Variants in ESPNL observed in about 807,000 individuals in gnomAD.
ESPNL encodes espin-like protein.
In ESPNL, 49 loss-of-function variants were observed where a neutral mutation model predicts 46.8. That is an observed-to-expected ratio of 1.05 (90% confidence interval 0.83 to 1.33). The LOEUF is 1.33. Among genes scored for constraint, ESPNL ranks in the 40% most tolerant of loss-of-function variants. The pLI is 0.00. For synonymous variants in ESPNL, 664 were observed against 662.1 expected (o/e 1.00, Z -0.04); for missense variants, 1,540 against 1,436.6 (o/e 1.07, Z -1.16).
intron 8 of ESPNL, chr2:238,129,257 T>C: frequency 8.5e-7 from 1 of 1,172,858 alleles, no homozygotes; most frequent in Non-Finnish European, 1.1e-6. Context: ...TGGGGTGCGA[T>C]TCCCACTGCT....
At chr2:238,117,209 AGCCAGTGCTAGGGCCAG>A (rs2106470530) in intron 5 of ESPNL, among the ~76,000 whole-genome samples, 175 bp downstream of exon 5, 1 of 152,344 alleles carries the variant, frequency 6.6e-6, no homozygotes, top group Admixed American at 6.5e-5. Flanking sequence ...GCCACAGGGC[AGCCAGTGCTAGGGCCAG>A]GCTGTAACAG....
At chr2:238,108,344 C>T (rs1027090861) in intron 4 of ESPNL, among the ~76,000 whole-genome samples, 1 of 152,148 alleles carries the variant, frequency 6.6e-6, no homozygotes, top group Non-Finnish European at 1.5e-5. Context: ...TTGCTATTAC[C>T]CAGATAAATC....
In ESPNL at chr2:238,107,890, C is replaced by T; in HGVS notation, c.772C>T (p.Leu258Phe). Residue 258 changes from leucine to phenylalanine, a missense_variant, in exon 4 of 9, where the codon CTC becomes TTC. Leu to Phe is a conservative substitution (Grantham distance 22). Coordinates refer to ENST00000343063, the MANE Select transcript of ESPNL (RefSeq NM_194312.4). ...RGGHTPILDR[L>F]LLMGTPILRD... ...CGGCCACACGCCCATTCTAGACCGA[C>T]TCCTGCTCATGGGTACCCCCATCCT... 1 of 1,612,518 alleles carries T rather than the reference C, an allele frequency of 6.2e-7. No individual in the cohort carries two copies. Among genetic ancestry groups the T allele is most frequent in the Non-Finnish European group, 8.5e-7 (1 of 1,179,744 alleles).
intron 2 of ESPNL, among the ~76,000 whole-genome samples, chr2:238,103,854 C>A (rs548913106): frequency 6.6e-6 from 1 of 152,298 alleles, no homozygotes; most frequent in East Asian, 1.9e-4. Context: ...CCTGTGTCCC[C>A]CTTGCTAGGA....
chr2:238,131,979 C>A lies in ESPNL; in HGVS notation c.*247C>A. 2 of 447,584 alleles carry A rather than the reference C, an allele frequency of 4.5e-6. No homozygotes were observed. Among genetic ancestry groups the A allele is most frequent in the Non-Finnish European group, 3.9e-6 (1 of 253,540 alleles). The allele number at this position is 447,584 out of a possible 1,614,324, so 27.7% of individuals were successfully genotyped here. A position where few individuals can be genotyped will look rare whatever the true frequency, so the allele number is the denominator to read the frequency against. ...GGTCCTGAAGTGAGGCAATGGGCCA[C>A]CCCAGTCCAGGGCACCTCTGCCCAG... On this transcript the variant is annotated 3_prime_UTR_variant, in exon 9 of 9. Transcript: ENST00000343063.
chr2:238,120,619 C>T (rs535563989), intron 5 of ESPNL, among the ~76,000 whole-genome samples: 1 of 152,376 alleles, frequency 6.6e-6, no homozygotes, highest in South Asian at 2.1e-4. Flanking sequence ...AACCCCGGGG[C>T]CTTCCCGGCT....
At chr2:238,118,712 A>C (rs1691890490) in intron 5 of ESPNL, among the ~76,000 whole-genome samples, 1 of 113,774 alleles carries the variant, frequency 8.8e-6, no homozygotes, top group Non-Finnish European at 1.7e-5. Context: ...GGAGGAATGG[A>C]TGGAGGAGGA....
rs1692081467 is a variant in ESPNL at position 238,125,354 on chromosome 2, AGAG to A, written c.1077_1079del (p.Gly360del). 6.4e-7 allele frequency: 1 copy of A among 1,571,532 alleles called. No individual in the cohort carries two copies. The highest frequency in any genetic ancestry group is 8.6e-7 in the Non-Finnish European group (1 of 1,158,954). On this transcript the variant is annotated inframe_deletion, in exon 6 of 9. Transcript: ENST00000343063. ...GAGGCGCTCCCTGGAGGATGGAAGAAGAGGAGGCCCAGGGCCAGGGAACCCCAG... is the reference window on the plus strand; with the variant it reads ...GAGGCGCTCCCTGGAGGATGGAAGAAGAGGCCCAGGGCCAGGGAACCCCAG...
chr2:238,112,996 G>C (rs1316662474), intron 4 of ESPNL, among the ~76,000 whole-genome samples: 2 of 152,320 alleles, frequency 1.3e-5, no homozygotes, highest in South Asian at 4.1e-4. Flanking sequence ...GTGTTCTTCA[G>C]ATCTCCATAG....
chr2:238,118,395 TGGAAGAGGGTGGAC>T (rs149502876), intron 5 of ESPNL, among the ~76,000 whole-genome samples: 15,366 of 71,266 alleles, frequency 0.22, 2,894 homozygotes, highest in African/African-American at 0.51. Flanking sequence ...GAAGGGTGGA[TGGAAGAGGGTGGAC>T]GGAGGAGGGT....
chr2:238,125,108 G>A (rs1027071341), intron 5 of ESPNL, among the ~76,000 whole-genome samples, 162 bp from the exon 6 acceptor site: 2 of 152,180 alleles, frequency 1.3e-5, no homozygotes, highest in Admixed American at 6.5e-5. Context: ...ACAGAACCCT[G>A]ATCAAGGACC....
intron 5 of ESPNL, among the ~76,000 whole-genome samples, chr2:238,122,815 G>A (rs559584637): frequency 2.0e-5 from 3 of 152,250 alleles, no homozygotes; most frequent in Non-Finnish European, 4.4e-5. Context: ...TGGCCTTGCT[G>A]TTGAGGGGCC....
Position 238,100,652 on chromosome 2 carries a change from C to T in ESPNL, c.233C>T (p.Ala78Val). 1 of 1,447,648 alleles carries T rather than the reference C, an allele frequency of 6.9e-7. No individual in the cohort carries two copies. The allele number at this position is 1,447,648 out of a possible 1,614,324, so 89.7% of individuals were successfully genotyped here. ...HNGATPAHDA[A>V]ATGSLAELCW... ...GGGGCCACCCCAGCGCATGACGCCG[C>T]TGCCACGGGCAGCCTGGCCGAGCTG... is the stretch of plus-strand genomic sequence containing the variant. The change falls in exon 1 of 9, where the codon GCT becomes GTT. Residue 78 changes from alanine to valine, a missense_variant. By Grantham distance (64) the Ala-to-Val change is moderately conservative (BLOSUM62 0). Transcript: ENST00000343063.
intron 5 of ESPNL, among the ~76,000 whole-genome samples, chr2:238,119,346 A>AG (rs1691922365): frequency 1.8e-5 from 2 of 110,182 alleles, no homozygotes; most frequent in Non-Finnish European, 3.8e-5. Context: ...GAGGAGGGTG[A>AG]ATGGAGGAGG....
chr2:238,114,765 A>C lies in ESPNL; in HGVS notation c.856-2138A>C, dbSNP rs1691779842. 6.6e-6 allele frequency among the ~76,000 whole-genome samples: 1 copy of C among 152,248 alleles called. No homozygotes were observed. The highest frequency in any genetic ancestry group is 1.5e-5 in the Non-Finnish European group (1 of 68,046). On this transcript the variant is annotated intron_variant, in intron 4 of 8. Coordinates refer to ENST00000343063, the MANE Select transcript of ESPNL (RefSeq NM_194312.4). This position sits in a 1 kb window ranked among gnomAD's most constrained non-coding sequence, Gnocchi z 5.0. Reference sequence around the variant, plus strand: ...AAAGGAAAAAGAATCACATCTCATGACACATGAAACTCATCTGAAGTTAAA... The same window carrying C: ...AAAGGAAAAAGAATCACATCTCATGCCACATGAAACTCATCTGAAGTTAAA...
intron 5 of ESPNL, among the ~76,000 whole-genome samples, chr2:238,117,661 G>A (rs953264897): frequency 1.4e-4 from 21 of 152,348 alleles, no homozygotes; most frequent in African/African-American, 5.1e-4. Context: ...GTAAGGACAC[G>A]GATCTTGTCT....
chr2:238,117,153 T>TA, intron 5 of ESPNL, 119 bp downstream of exon 5: 1 of 1,324,442 alleles, frequency 7.6e-7, no homozygotes, highest in South Asian at 1.5e-5. Flanking sequence ...GTCCAACTCA[T>TA]ACATGGCATT....
Position 238,130,351 on chromosome 2 carries a change from T to C in ESPNL, c.1637T>C (p.Val546Ala). ...CAGGCCCTGCTGCCCGAGCCCCTGG[T>C]CAGCATCACGGTCAACAGCCACTTC... is the stretch of plus-strand genomic sequence containing the variant. Reference protein sequence around the residue: ...ELQALLPEPLVSITVNSHFLP... With the variant: ...ELQALLPEPLASITVNSHFLP... The change falls in exon 9 of 9, where the codon GTC (valine) becomes GCC (alanine). Residue 546 changes from valine (V) to alanine (A), a missense_variant. Physicochemically the swap from Val to Ala is moderately conservative, Grantham distance 64. Coordinates refer to ENST00000343063, the MANE Select transcript of ESPNL (RefSeq NM_194312.4). 1 of 1,609,964 alleles carries C rather than the reference T, an allele frequency of 6.2e-7. No individual in the cohort carries two copies. Among genetic ancestry groups the C allele is most frequent in the Non-Finnish European group, 8.5e-7 (1 of 1,178,830 alleles).
intron 7 of ESPNL, among the ~76,000 whole-genome samples, chr2:238,128,321 C>G (rs1692188569): frequency 6.6e-6 from 1 of 152,244 alleles, no homozygotes; most frequent in Non-Finnish European, 1.5e-5. Context: ...AAGGCTCTGA[C>G]AAGCCCTCCG....
Sources: allele counts gnomAD v4.1 joint callset (sites outside exome capture counted in the v4.1 genomes callset), GRCh38; gene constraint gnomAD v4.1.1; non-coding constraint Gnocchi (gnomAD v3.1); transcripts MANE v1.5; gene names NCBI Gene and HGNC (gene_info 2026-07-23, HGNC 2026-07-21).